Variants in ARID1B observed in about 807,000 individuals in gnomAD.
ARID1B encodes the protein AT-rich interactive domain-containing protein 1B.
A neutral mutation model predicts 212.3 loss-of-function variants in ARID1B; 30 were observed. The observed-to-expected ratio is 0.14, with a 90% CI of 0.11 to 0.19. The LOEUF is 0.19. Ranked by LOEUF, ARID1B falls within the 10% of genes least tolerant of loss-of-function variation. The pLI is 1.00. For synonymous variants in ARID1B, 1,402 were observed against 1,301.7 expected (o/e 1.08, Z -1.66); for missense variants, 2,891 against 3,204.0 (o/e 0.90, Z 2.36).
chr6:157,105,812 G>A (rs542342949), intron 5 of ARID1B, among the ~76,000 whole-genome samples: 82 of 152,238 alleles, frequency 5.4e-4, no homozygotes, highest in African/African-American at 1.9e-3. Context: ...ATGTTGGTCA[G>A]GCTGGTCTTG....
At chr6:157,034,934 G>T (rs2128503238) in intron 4 of ARID1B, among the ~76,000 whole-genome samples, 1 of 152,288 alleles carries the variant, frequency 6.6e-6, no homozygotes, top group East Asian at 1.9e-4. Context: ...TATATTAAGA[G>T]TTTCAAAACA....
intron 1 of ARID1B, among the ~76,000 whole-genome samples, chr6:156,824,969 G>A (rs1320635544): frequency 6.6e-6 from 1 of 151,764 alleles, no homozygotes; most frequent in Non-Finnish European, 1.5e-5. Flanking sequence ...GGTTCAAGCA[G>A]TTCTCCTGCC....
At chr6:156,999,234 A>AT (rs1778776990) in intron 4 of ARID1B, among the ~76,000 whole-genome samples, 1 of 152,238 alleles carries the variant, frequency 6.6e-6, no homozygotes, top group Non-Finnish European at 1.5e-5. Context: ...TAAAACCTTC[A>AT]TATTAACTAG....
intron 1 of ARID1B, among the ~76,000 whole-genome samples, chr6:156,812,807 C>G (rs138283470): frequency 6.7e-6 from 1 of 150,300 alleles, no homozygotes; most frequent in Non-Finnish European, 1.5e-5. Flanking sequence ...GGGACAAGCT[C>G]GACTTTTCCT....
rs2114972200 is a variant in ARID1B at position 156,778,367 on chromosome 6, C to T, written c.687C>T (p.Gly229=). The T allele has an allele frequency of 2.6e-6, 4 of 1,539,230 alleles. No homozygotes were observed. Among genetic ancestry groups the T allele is most frequent in the Non-Finnish European group, 3.5e-6 (4 of 1,146,190 alleles). The change falls in exon 1 of 20, where the codon GGC becomes GGT. Residue 229 remains glycine, a synonymous_variant. Transcript: ENST00000636930. ...NNNSLGGAGG[G]APQPGPDMEQ... ...ACAGCTTGGGCGGCGCGGGCGGCGG[C>T]GCGCCTCAGCCCGGCCCCGACATGG...
chr6:156,885,137 A>C (rs1314844499), intron 2 of ARID1B, among the ~76,000 whole-genome samples: 2 of 152,186 alleles, frequency 1.3e-5, no homozygotes, highest in Admixed American at 6.5e-5. Flanking sequence ...TTGGAATATG[A>C]TCTAATTTCA....
At chr6:157,032,123 C>T (rs1313147730) in intron 4 of ARID1B, among the ~76,000 whole-genome samples, 2 of 152,154 alleles carry the variant, frequency 1.3e-5, no homozygotes, top group Admixed American at 6.5e-5. Flanking sequence ...TAAAATGCTG[C>T]AGTGAGGAAG....
At chr6:157,191,136 A>G (rs1448787104) in intron 15 of ARID1B, among the ~76,000 whole-genome samples, 1 of 152,068 alleles carries the variant, frequency 6.6e-6, no homozygotes, top group East Asian at 1.9e-4. Flanking sequence ...ATGACTGGCC[A>G]TCTCTGGAGA....
At chr6:156,797,988 A>G (rs1780511276) in intron 1 of ARID1B, among the ~76,000 whole-genome samples, 1 of 152,198 alleles carries the variant, frequency 6.6e-6, no homozygotes, top group Admixed American at 6.5e-5. Flanking sequence ...AATGCCCAGT[A>G]AGCCTGGGGG....
intron 4 of ARID1B, among the ~76,000 whole-genome samples, chr6:157,028,818 G>C (rs1780832665): frequency 6.6e-6 from 1 of 152,188 alleles, no homozygotes; most frequent in Admixed American, 6.5e-5. Flanking sequence ...GGGCCTGTCA[G>C]TCTCCTTTAC....
At chr6:157,005,132 T>TTTGTTGTTGTTG (rs150174504) in intron 4 of ARID1B, among the ~76,000 whole-genome samples, 27 of 148,832 alleles carry the variant, frequency 1.8e-4, no homozygotes, top group Non-Finnish European at 3.6e-4. Context: ...CAGGCTGTTT[T>TTTGTTGTTGTTG]TTGTTGTTGT....
chr6:156,944,581 C>T (rs564139076), intron 4 of ARID1B, among the ~76,000 whole-genome samples: 22 of 152,102 alleles, frequency 1.4e-4, no homozygotes, highest in Admixed American at 2.6e-4. Context: ...TGCAGGACGC[C>T]GAAATCTTTG....
chr6:156,935,310 G>T (rs566237302), intron 3 of ARID1B, among the ~76,000 whole-genome samples, 156 bp from the exon 4 acceptor site: 1 of 152,116 alleles, frequency 6.6e-6, no homozygotes, highest in African/African-American at 2.4e-5. Context: ...GAACTCCTGG[G>T]CTCAAGCGAT....
chr6:157,001,529 C>T (rs1222767161), intron 4 of ARID1B, among the ~76,000 whole-genome samples: 1 of 152,120 alleles, frequency 6.6e-6, no homozygotes, highest in African/African-American at 2.4e-5. Flanking sequence ...TCATGGTCTC[C>T]CTGTTTTAAG....
At chr6:157,025,207 CTA>C (rs1562558875) in intron 4 of ARID1B, among the ~76,000 whole-genome samples, 2 of 152,186 alleles carry the variant, frequency 1.3e-5, no homozygotes, top group African/African-American at 4.8e-5. Context: ...AAATTTAACT[CTA>C]TATTCTAGAA....
At chr6:157,010,644 GTTTTGT>G (rs1779546930) in intron 4 of ARID1B, among the ~76,000 whole-genome samples, 2 of 148,748 alleles carry the variant, frequency 1.3e-5, no homozygotes, top group East Asian at 4.0e-4. Context: ...GCTTTGTTTT[GTTTTGT>G]TTTTTGTTGT....
intron 6 of ARID1B, among the ~76,000 whole-genome samples, chr6:157,127,197 A>T (rs571918476): frequency 6.6e-6 from 1 of 152,338 alleles, no homozygotes; most frequent in East Asian, 1.9e-4. Context: ...CTATAGCTGG[A>T]AGTGCCCCTA....
chr6:156,846,290 G>T (rs1338825675), intron 2 of ARID1B, among the ~76,000 whole-genome samples: 1 of 151,830 alleles, frequency 6.6e-6, no homozygotes, highest in African/African-American at 2.4e-5. Context: ...GAGTAGCTGG[G>T]ACTACAGGTG....
At chr6:156,826,327 C>T (rs1054528901) in intron 1 of ARID1B, among the ~76,000 whole-genome samples, 2 of 152,200 alleles carry the variant, frequency 1.3e-5, no homozygotes, top group Non-Finnish European at 2.9e-5. Flanking sequence ...CCATGGCAGA[C>T]CCAGTGAGAC....
Sources: allele counts gnomAD v4.1 joint callset (sites outside exome capture counted in the v4.1 genomes callset), GRCh38; gene constraint gnomAD v4.1.1; transcripts MANE v1.5; gene names NCBI Gene and HGNC (gene_info 2026-07-23, HGNC 2026-07-21).